The following GPHN variants were observed in gnomAD, a reference collection of about 807,000 sequenced individuals.
The protein encoded by GPHN is gephyrin.
A neutral mutation model predicts 95.5 loss-of-function variants in GPHN; 17 were observed. The observed-to-expected ratio is 0.18, with a 90% confidence interval of 0.12 to 0.27. The LOEUF (loss-of-function observed/expected upper bound fraction) is 0.27, where lower values mean the gene tolerates loss of function less well. GPHN is among the 10% of genes least tolerant of loss of function. The pLI, the probability that GPHN is intolerant of heterozygous loss-of-function variation, is 1.00. For missense variants in GPHN, 660 were observed against 978.1 expected (o/e 0.67, Z 4.34); for synonymous variants, 320 against 322.5 (o/e 0.99, Z 0.08).
chr14:67,569,257 G>C, the GPHN span: 1 of 1,399,434 alleles, frequency 7.1e-7, no homozygotes, highest in African/African-American at 1.4e-5. Flanking sequence ...AACACCCAAG[G>C]TGGGCAGGGT....
chr14:66,539,640 C>T (rs147925234), intron 1 of GPHN, among the ~76,000 whole-genome samples: 2 of 152,042 alleles, frequency 1.3e-5, no homozygotes, highest in East Asian at 1.9e-4. Context: ...AGGCTGGTTT[C>T]GAACTCCTGA....
intron 9 of GPHN, among the ~76,000 whole-genome samples, chr14:67,006,241 G>C (rs1436327125): frequency 6.6e-6 from 1 of 151,942 alleles, no homozygotes; most frequent in Non-Finnish European, 1.5e-5. Flanking sequence ...AGATTCATGT[G>C]GTCTTTTTAT....
chr14:67,645,763 A>C, the GPHN span: 2 of 1,614,064 alleles, frequency 1.2e-6, no homozygotes, highest in Admixed American at 3.3e-5. Flanking sequence ...ATCTCCATGG[A>C]CAGCCAGTTT....
chr14:67,334,075 G>A, the GPHN span: 1 of 152,418 alleles, frequency 6.6e-6, no homozygotes, highest in African/African-American at 2.4e-5. Context: ...TATTATGACA[G>A]TTGACTTTAA....
At chr14:67,105,430 G>A (rs114973398) in intron 13 of GPHN, among the ~76,000 whole-genome samples, 1 of 152,076 alleles carries the variant, frequency 6.6e-6, no homozygotes, top group Non-Finnish European at 1.5e-5. Flanking sequence ...TGAGAGTAGG[G>A]TGTCAAACTC....
the GPHN span, among the ~76,000 whole-genome samples, chr14:67,670,019 C>A: frequency 1.3e-5 from 2 of 152,144 alleles, no homozygotes; most frequent in African/African-American, 4.8e-5. Context: ...CACCTGAGCC[C>A]GGGAAGCCAA....
rs527287042 is a variant in GPHN at position 67,121,515 on chromosome 14, G to A, written c.1627-741G>A. On this transcript the variant is annotated intron_variant, in intron 16 of 22. Transcript: ENST00000478722. ...TATATTTTATAAATGAGAAAATTAC[G>A]ACAAAGAATTTTGTCAACTTGAATT... Among the ~76,000 whole-genome samples the A allele has an allele frequency of 7.9e-5, 12 of 152,148 alleles. No homozygotes were observed. In the East Asian group the frequency reaches 1.4e-3, roughly 17 times the overall value.
At chr14:67,015,767 AAAG>A (rs2073271816) in intron 9 of GPHN, among the ~76,000 whole-genome samples, 1 of 152,148 alleles carries the variant, frequency 6.6e-6, no homozygotes, top group Non-Finnish European at 1.5e-5. Flanking sequence ...CTGAAAATTC[AAAG>A]AATAAATGGT....
chr14:67,551,959 C>T, the GPHN span, among the ~76,000 whole-genome samples: 101 of 152,218 alleles, frequency 6.6e-4, no homozygotes, highest in South Asian at 7.1e-3. Flanking sequence ...GGCCACTGCT[C>T]GGCACAGCAG....
the GPHN span, among the ~76,000 whole-genome samples, chr14:67,652,795 A>G: frequency 6.6e-6 from 1 of 152,140 alleles, no homozygotes; most frequent in Non-Finnish European, 1.5e-5. Context: ...TTTTACAAAT[A>G]TATTTCTTTT....
the GPHN span, among the ~76,000 whole-genome samples, chr14:67,306,701 A>C: frequency 6.6e-6 from 1 of 152,244 alleles, no homozygotes; most frequent in Non-Finnish European, 1.5e-5. Context: ...AATAACTCTC[A>C]ATTGCAATAT....
chr14:67,636,883 G>A, the GPHN span, among the ~76,000 whole-genome samples: 1 of 152,152 alleles, frequency 6.6e-6, no homozygotes, highest in Non-Finnish European at 1.5e-5. Context: ...CCTCTTAGAA[G>A]AAAGAGCAGC....
the GPHN span, among the ~76,000 whole-genome samples, chr14:67,641,087 CCAAA>C: frequency 1.3e-5 from 2 of 152,288 alleles, no homozygotes; most frequent in East Asian, 1.9e-4. Flanking sequence ...GATGGTGATG[CCAAA>C]CAATCATATT....
At chr14:66,997,515 T>C (rs867477960) in intron 9 of GPHN, among the ~76,000 whole-genome samples, 1 of 152,332 alleles carries the variant, frequency 6.6e-6, no homozygotes. Context: ...TTAATTCTGA[T>C]TGCAGAAATA....
intron 11 of GPHN, among the ~76,000 whole-genome samples, chr14:67,070,787 C>T (rs897064993): frequency 6.7e-6 from 1 of 148,452 alleles, no homozygotes; most frequent in Non-Finnish European, 1.5e-5. Flanking sequence ...ACTGTGGGTC[C>T]CACTTGTGTG....
the GPHN span, among the ~76,000 whole-genome samples, chr14:67,675,766 A>C: frequency 6.6e-6 from 1 of 151,928 alleles, no homozygotes; most frequent in Non-Finnish European, 1.5e-5. Context: ...CACGTGTTAA[A>C]AATTACAAGG....
chr14:67,428,120 T>C, the GPHN span, among the ~76,000 whole-genome samples: 1 of 152,130 alleles, frequency 6.6e-6, no homozygotes, highest in Non-Finnish European at 1.5e-5. Context: ...GGTTTTGCCA[T>C]GTTAGACAGG....
chr14:66,970,135 T>C, intron 9 of GPHN, among the ~76,000 whole-genome samples: 1 of 148,864 alleles, frequency 6.7e-6, no homozygotes, highest in East Asian at 2.1e-4. Context: ...ATACTATCAA[T>C]ATCTAATTGA....
At chr14:66,823,344 G>A (rs1462539929) in intron 3 of GPHN, 1 of 152,150 alleles carries the variant, frequency 6.6e-6, no homozygotes, top group Non-Finnish European at 1.5e-5. Flanking sequence ...ATTTATAAGA[G>A]TGAGTATTTA....
Sources: gnomAD v4.1 joint callset for allele counts (sites outside exome capture counted in the v4.1 genomes callset) on GRCh38, gnomAD v4.1.1 for gene constraint, MANE v1.5 for transcripts, NCBI Gene and HGNC (gene_info 2026-07-23, HGNC 2026-07-21) for gene names.